The following ANGEL1 variants were observed in gnomAD, a reference collection of about 807,000 sequenced individuals.
The protein encoded by ANGEL1 is angel homolog 1.
In ANGEL1, 62 loss-of-function variants were observed where a neutral mutation model predicts 76.4. The ratio of observed to expected loss-of-function variants is 0.81; its 90% CI spans 0.66 to 1.00. The LOEUF (loss-of-function observed/expected upper bound fraction) is 1.00, where lower values mean the gene tolerates loss of function less well. Ranked by LOEUF, ANGEL1 falls within the 50% of genes least tolerant of loss-of-function variation. The probability of loss-of-function intolerance (pLI) is 0.00; values close to 1 mark genes in which losing one functional copy is unlikely to be tolerated. For synonymous variants in ANGEL1, 340 were observed against 331.7 expected (o/e 1.03, Z -0.27); for missense variants, 737 against 836.7 (o/e 0.88, Z 1.47).
intron 5 of ANGEL1, among the ~76,000 whole-genome samples, chr14:76,805,912 C>T (rs1389017334): frequency 6.6e-6 from 1 of 152,222 alleles, no homozygotes; most frequent in Non-Finnish European, 1.5e-5. Context: ...ATGATGGAAA[C>T]TGTGAAAACT....
chr14:76,793,032 A>T (rs1161122687), intron 7 of ANGEL1, among the ~76,000 whole-genome samples: 1 of 152,142 alleles, frequency 6.6e-6, no homozygotes, highest in Non-Finnish European at 1.5e-5. Flanking sequence ...CTAATAAATG[A>T]ATTCAGCAAG....
At chr14:76,803,684 A>T (rs1280084911) in intron 6 of ANGEL1, 102 bp downstream of exon 6, 1 of 1,492,732 alleles carries the variant, frequency 6.7e-7, no homozygotes, top group East Asian at 2.3e-5. Flanking sequence ...GGAATCTGCT[A>T]AGAGAAATGA....
intron 3 of ANGEL1, 128 bp downstream of exon 3, chr14:76,807,794 C>A: frequency 9.5e-7 from 1 of 1,055,156 alleles, no homozygotes; most frequent in Non-Finnish European, 1.4e-6. Flanking sequence ...ACCAGGCAGG[C>A]AAGCTCCAGC....
At position 76,812,835 on chromosome 14, in the gene ANGEL1, C is replaced by A. The variant is rs763634438; in HGVS notation, c.-8G>T. 1 of 1,507,186 alleles carries A rather than the reference C, an allele frequency of 6.6e-7. No homozygotes were observed. Among genetic ancestry groups the A allele is most frequent in the Non-Finnish European group, 8.8e-7 (1 of 1,131,914 alleles). 93.4% of individuals were successfully genotyped at this position (1,507,186 alleles called of 1,614,324 possible). A position where few individuals can be genotyped will look rare whatever the true frequency, so the allele number is the denominator to read the frequency against. ...CAAGCACGACGCGATCATGGCCGGC[C>A]GCCCGCGCCCGCCTCCGCTCCTCAC... On this transcript the variant is annotated 5_prime_UTR_variant, in exon 1 of 10. Coordinates refer to ENST00000251089, the MANE Select transcript of ANGEL1 (RefSeq NM_015305.4).
Position 76,789,122 on chromosome 14 carries a change from G to T in ANGEL1, c.*106C>A. 7.2e-7 allele frequency: 1 copy of T among 1,392,862 alleles called. No individual in the cohort carries two copies. The highest frequency in any genetic ancestry group is 9.8e-7 in the Non-Finnish European group (1 of 1,015,440). The allele number at this position is 1,392,862 out of a possible 1,614,324, so 86.3% of individuals were successfully genotyped here. On this transcript the variant is annotated 3_prime_UTR_variant, in exon 10 of 10. Transcript: ENST00000251089. ...GGGAACGAGGAGGGGGAAGGGAGGG[G>T]ATGTAAGTTTCTTGGATCTAAGTTT...
At chr14:76,793,569 T>TC (rs1894486107) in intron 7 of ANGEL1, among the ~76,000 whole-genome samples, 1 of 145,590 alleles carries the variant, frequency 6.9e-6, no homozygotes, top group African/African-American at 2.5e-5. Flanking sequence ...TTTTTTTTTT[T>TC]TGTCTTTTTT....
intron 7 of ANGEL1, among the ~76,000 whole-genome samples, chr14:76,795,678 A>G (rs1894555490): frequency 6.6e-6 from 1 of 152,178 alleles, no homozygotes; most frequent in South Asian, 2.1e-4. Flanking sequence ...TTTTCACCCC[A>G]TGGTCATTAG....
rs1894296450 is a variant in ANGEL1 at position 76,787,942 on chromosome 14, G to A, written c.*1286C>T. On this transcript the variant is annotated 3_prime_UTR_variant, in exon 10 of 10. Transcript: ENST00000251089. ...CAGGGTACCCTTCTGTTAGGGGAGGGAAAGCAGACGCAACAAGCAGCTGAG... is the reference window on the plus strand; with the variant it reads ...CAGGGTACCCTTCTGTTAGGGGAGGAAAAGCAGACGCAACAAGCAGCTGAG... The A allele has an allele frequency of 6.6e-6, 1 of 152,598 alleles. No homozygotes were observed. 9.5% of individuals were successfully genotyped at this position (152,598 alleles called of 1,614,324 possible).
intron 8 of ANGEL1, 149 bp from the exon 9 acceptor site, chr14:76,790,923 T>C: frequency 2.5e-6 from 3 of 1,184,442 alleles, no homozygotes; most frequent in Non-Finnish European, 3.4e-6. Flanking sequence ...AAGAAGGGGC[T>C]GGCAGTCTTA....
intron 7 of ANGEL1, among the ~76,000 whole-genome samples, chr14:76,800,621 A>G (rs533813811): frequency 6.6e-6 from 1 of 152,348 alleles, no homozygotes; most frequent in African/African-American, 2.4e-5. Flanking sequence ...TGAACTATAT[A>G]TCCTTTCCTA....
At chr14:76,799,251 A>G (rs1053625619) in intron 7 of ANGEL1, among the ~76,000 whole-genome samples, 8 of 127,092 alleles carry the variant, frequency 6.3e-5, no homozygotes, top group African/African-American at 2.4e-4. Context: ...ACACACTAAG[A>G]TCTCGTTGTA....
intron 6 of ANGEL1, 62 bp downstream of exon 6, chr14:76,803,724 A>C (rs1894832713): frequency 6.5e-7 from 1 of 1,548,780 alleles, no homozygotes; most frequent in East Asian, 2.3e-5. Context: ...TCGTTGAGAC[A>C]CCAGCTTTCT....
chr14:76,798,556 A>G (rs1346508032), intron 7 of ANGEL1, among the ~76,000 whole-genome samples: 1 of 152,256 alleles, frequency 6.6e-6, no homozygotes, highest in East Asian at 1.9e-4. Context: ...AATATCTTTA[A>G]GAACCATACT....
intron 9 of ANGEL1, 47 bp from the exon 10 acceptor site, chr14:76,789,435 A>G: frequency 6.2e-7 from 1 of 1,607,166 alleles, no homozygotes. Context: ...CCGCAGCCAC[A>G]CTGCATGGGC....
intron 7 of ANGEL1, among the ~76,000 whole-genome samples, chr14:76,799,085 C>A (rs1595299851): frequency 1.3e-5 from 2 of 151,996 alleles, no homozygotes; most frequent in African/African-American, 2.4e-5. Flanking sequence ...CACTACCTAG[C>A]ACTGAATCTT....
chr14:76,789,439 C>T, intron 9 of ANGEL1, 51 bp from the exon 10 acceptor site: 1 of 1,601,776 alleles, frequency 6.2e-7, no homozygotes, highest in Non-Finnish European at 8.5e-7. Context: ...AGCCACACTG[C>T]ATGGGCAGGC....
At position 76,788,954 on chromosome 14, in the gene ANGEL1, C is replaced by A. The variant is rs916157794; in HGVS notation, c.*274G>T. The A allele has an allele frequency of 9.8e-6, 4 of 406,936 alleles. No individual in the cohort carries two copies. The highest frequency in any genetic ancestry group is 1.8e-5 in the Non-Finnish European group (4 of 226,380). 25.2% of individuals were successfully genotyped at this position (406,936 alleles called of 1,614,324 possible). ...AAAAATCAAGGGGGAGCGCTGGATA[C>A]ATGGAAGGAAGGGGGAGCCCCCCTT... On this transcript the variant is annotated 3_prime_UTR_variant, in exon 10 of 10. Coordinates refer to ENST00000251089, the MANE Select transcript of ANGEL1 (RefSeq NM_015305.4).
Position 76,809,523 on chromosome 14 carries a change from TGCAGCAGGCC to T in ANGEL1, c.175_184del (p.Gly59SerfsTer8), listed in dbSNP as rs1895022594. The stretch of plus-strand genomic sequence containing the variant: ...GCTCAACCCTTCTTCTCGCCACTGC[TGCAGCAGGCC>T]CTCACATTCCTCCTGCTCAGGGCCC... On this transcript the variant is annotated frameshift_variant, in exon 2 of 10. Transcript: ENST00000251089. LOFTEE classifies it high-confidence loss of function. 3 of 1,614,148 alleles carry T rather than the reference TGCAGCAGGCC, an allele frequency of 1.9e-6. No homozygotes were observed. Among genetic ancestry groups the T allele is most frequent in the Non-Finnish European group, 2.5e-6 (3 of 1,180,062 alleles).
chr14:76,807,909 CCT>C lies in ANGEL1; in HGVS notation c.876+11_876+12del. 1 of 1,613,134 alleles carries C rather than the reference CCT, an allele frequency of 6.2e-7. No individual in the cohort carries two copies. The highest frequency in any genetic ancestry group is 8.5e-7 in the Non-Finnish European group (1 of 1,179,756). ...GCAACAATGCAAGATGGCAATTCCC[CCT>C]CTTCACTCACATCAGGGTCCCAGTG... On this transcript the variant is annotated intron_variant, in intron 3 of 9. Transcript: ENST00000251089.
Sources: allele counts gnomAD v4.1 joint callset (sites outside exome capture counted in the v4.1 genomes callset), GRCh38; gene constraint gnomAD v4.1.1; transcripts MANE v1.5; gene names NCBI Gene and HGNC (gene_info 2026-07-23, HGNC 2026-07-21).